Variants in CEP126 observed in about 807,000 individuals in gnomAD.
CEP126 encodes centrosomal protein of 126 kDa.
Under a neutral mutation model 107.8 loss-of-function variants are expected in CEP126, and 74 were observed. The ratio of observed to expected loss-of-function variants is 0.69; its 90% confidence interval spans 0.57 to 0.83. The LOEUF is 0.83. Among genes scored for constraint, CEP126 ranks in the 40% least tolerant of loss-of-function variants. The pLI is 0.00. For synonymous variants in CEP126, 449 were observed against 446.0 expected (o/e 1.01, Z -0.08); for missense variants, 1,237 against 1,281.9 (o/e 0.96, Z 0.53).
intron 3 of CEP126, among the ~76,000 whole-genome samples, chr11:101,947,302 G>C (rs1196165196): frequency 1.3e-5 from 2 of 152,168 alleles, no homozygotes; most frequent in African/African-American, 4.8e-5. Context: ...ACCATGTATA[G>C]ATAGTATAGT....
intron 2 of CEP126, among the ~76,000 whole-genome samples, chr11:101,933,816 C>CG (rs1453993651): frequency 8.0e-6 from 1 of 124,388 alleles, no homozygotes; most frequent in Non-Finnish European, 1.7e-5. Context: ...CCCCCGAGAC[C>CG]CCCCCCCCAC....
At chr11:101,931,209 T>G (rs897435015) in intron 2 of CEP126, among the ~76,000 whole-genome samples, 1 of 152,226 alleles carries the variant, frequency 6.6e-6, no homozygotes, top group African/African-American at 2.4e-5. Flanking sequence ...GAGATACTTT[T>G]ATATTTTTCC....
At chr11:101,945,101 A>G (rs1360849333) in intron 3 of CEP126, among the ~76,000 whole-genome samples, 2 of 152,218 alleles carry the variant, frequency 1.3e-5, no homozygotes, top group Non-Finnish European at 2.9e-5. Flanking sequence ...TGAGAGTGGT[A>G]TAAGCAATGT....
chr11:101,924,326 T>TTGTC (rs1292184869), intron 2 of CEP126, among the ~76,000 whole-genome samples: 29 of 152,328 alleles, frequency 1.9e-4, no homozygotes, highest in African/African-American at 7.0e-4. Flanking sequence ...ATGATTATGG[T>TTGTC]CTTCTTAACC....
chr11:101,983,976 T>C (rs1445714402), intron 8 of CEP126, among the ~76,000 whole-genome samples: 1 of 152,198 alleles, frequency 6.6e-6, no homozygotes, highest in Non-Finnish European at 1.5e-5. Flanking sequence ...GGAAGCTGGA[T>C]TGAATGATGA....
intron 8 of CEP126, among the ~76,000 whole-genome samples, chr11:101,986,547 A>G (rs564759781): frequency 3.3e-5 from 5 of 152,328 alleles, no homozygotes; most frequent in South Asian, 2.1e-4. Flanking sequence ...GACAAAAACT[A>G]TCTGCATTAT....
At position 101,978,435 on chromosome 11, in the gene CEP126, A is replaced by G. The variant is rs764733264; in HGVS notation, c.2934A>G (p.Gly978=). 1.6e-5 allele frequency: 25 copies of G among 1,607,012 alleles called. No homozygotes were observed. The highest frequency in any genetic ancestry group is 2.0e-5 in the Non-Finnish European group (24 of 1,174,250). Residue 978 remains glycine (G), a synonymous_variant, in exon 7 of 11, where the codon GGA becomes GGG. Transcript: ENST00000263468. ...AAAGACAAAACCCTGGATCTGTAGGACAGAAGTACAGTGAGCAAATTAATG... is the reference window on the plus strand; with the variant it reads ...AAAGACAAAACCCTGGATCTGTAGGGCAGAAGTACAGTGAGCAAATTAATG... ...EQKRQNPGSV[G]QKYSEQINNF...
At chr11:101,975,793 T>G (rs907589411) in intron 6 of CEP126, among the ~76,000 whole-genome samples, 3 of 152,172 alleles carry the variant, frequency 2.0e-5, no homozygotes, top group East Asian at 3.8e-4. Context: ...TATGACCATA[T>G]GTACTCAAAG....
At chr11:101,947,959 A>G (rs934186488) in intron 3 of CEP126, 72 bp from the exon 4 acceptor site, 7 of 616,574 alleles carry the variant, frequency 1.1e-5, no homozygotes, top group African/African-American at 7.5e-5. Flanking sequence ...TCATTAACCA[A>G]TTAAATTATA....
chr11:101,962,435 C>A lies in CEP126; in HGVS notation c.1400C>A (p.Ser467Tyr), dbSNP rs1198740281. The change falls in exon 6 of 11, where the codon TCT becomes TAT. Residue 467 changes from serine to tyrosine, a missense_variant. Ser to Tyr is a moderately radical substitution (Grantham distance 144). Coordinates refer to ENST00000263468, the MANE Select transcript of CEP126 (RefSeq NM_020802.4). ...VPVATPLVLPSNIQSARPSAK... is the reference protein window; with the variant it reads ...VPVATPLVLPYNIQSARPSAK... ...GTGGCAACGCCTTTAGTTTTGCCAT[C>A]TAATATACAGTCAGCTAGACCTTCA... is the stretch of plus-strand genomic sequence containing the variant. 6.2e-7 allele frequency: 1 copy of A among 1,613,816 alleles called. No individual in the cohort carries two copies. The highest frequency in any genetic ancestry group is 8.5e-7 in the Non-Finnish European group (1 of 1,179,868).
intron 6 of CEP126, among the ~76,000 whole-genome samples, chr11:101,968,354 T>C (rs974179581): frequency 6.6e-6 from 1 of 152,184 alleles, no homozygotes; most frequent in African/African-American, 2.4e-5. Context: ...CATGCTTGTT[T>C]CCTTTGAGAT....
intron 2 of CEP126, among the ~76,000 whole-genome samples, chr11:101,935,831 A>G (rs1023818357): frequency 1.3e-5 from 2 of 152,116 alleles, no homozygotes; most frequent in Non-Finnish European, 2.9e-5. Context: ...GTTTAACAGT[A>G]CTTGCCTGCT....
rs753625415 is a variant in CEP126, at chr11:101,963,507, A to G, written c.2472A>G (p.Val824=). Residue 824 remains valine (V), a synonymous_variant, in exon 6 of 11, where the codon GTA becomes GTG. Coordinates refer to ENST00000263468, the MANE Select transcript of CEP126 (RefSeq NM_020802.4). ...TACAAGTGTCTCAGTGTCAACCAGT[A>G]ACTCCTGAAAATCCTCAAAACATTA... The part of the protein sequence containing the change: ...KNIQVSQCQP[V]TPENPQNIIT... 1 of 1,614,062 alleles carries G rather than the reference A, an allele frequency of 6.2e-7. No individual in the cohort carries two copies.
Position 101,961,975 on chromosome 11 carries a change from A to C in CEP126, c.940A>C (p.Thr314Pro). The C allele has an allele frequency of 6.2e-7, 1 of 1,611,208 alleles. No homozygotes were observed. The highest frequency in any genetic ancestry group is 1.1e-5 in the South Asian group (1 of 90,420). ...AACTCAACATATAAATAATTGGCTT[A>C]CAAATTTAGATGCTTCAAATACTCA... is the stretch of plus-strand genomic sequence containing the variant. ...SKTQHINNWL[T>P]NLDASNTQNV... The change falls in exon 6 of 11, where the codon ACA becomes CCA. Residue 314 changes from threonine to proline, a missense_variant. Thr to Pro is a conservative substitution (Grantham distance 38, BLOSUM62 -1). Coordinates refer to ENST00000263468, the MANE Select transcript of CEP126 (RefSeq NM_020802.4).
intron 2 of CEP126, among the ~76,000 whole-genome samples, chr11:101,935,668 G>T (rs1315247975): frequency 1.3e-5 from 2 of 151,774 alleles, no homozygotes; most frequent in Non-Finnish European, 1.5e-5. Flanking sequence ...TTGTTCCATT[G>T]GTCTGTTTAC....
chr11:101,984,180 T>C (rs985123199), intron 8 of CEP126, among the ~76,000 whole-genome samples: 8 of 152,160 alleles, frequency 5.3e-5, no homozygotes, highest in Admixed American at 5.2e-4. Context: ...CCAGCAACAG[T>C]GAACAGAGAT....
Position 101,962,530 on chromosome 11 carries a change from G to A in CEP126, c.1495G>A (p.Asp499Asn), listed in dbSNP as rs1274570354. ...QCSDKLDELK[D>N]GKEEEIKYFN... ...TTCTGATAAGTTAGATGAATTGAAA[G>A]ATGGTAAAGAAGAAGAGATAAAATA... The change falls in exon 6 of 11, where the codon GAT becomes AAT. Residue 499 changes from aspartate (D) to asparagine (N), a missense_variant. Physicochemically the swap from Asp to Asn is conservative, Grantham distance 23 (BLOSUM62 1). This residue lies in a region of CEP126 where 1,134 missense variants were observed against 1,150.5 expected (regional missense o/e 0.99). Transcript: ENST00000263468. 1.9e-6 allele frequency: 3 copies of A among 1,613,062 alleles called. No homozygotes were observed. The highest frequency in any genetic ancestry group is 1.7e-6 in the Non-Finnish European group (2 of 1,179,562).
intron 6 of CEP126, among the ~76,000 whole-genome samples, chr11:101,968,733 T>C (rs1303760531): frequency 1.3e-5 from 2 of 152,134 alleles, no homozygotes; most frequent in East Asian, 3.9e-4. Flanking sequence ...GGGGCTTAGA[T>C]AAAGGTAAAA....
intron 2 of CEP126, among the ~76,000 whole-genome samples, chr11:101,938,365 T>C (rs934910764): frequency 2.0e-5 from 3 of 151,542 alleles, no homozygotes; most frequent in Admixed American, 6.6e-5. Context: ...TCAGTTTTCT[T>C]AACATTTTCC....
Sources: allele counts gnomAD v4.1 joint callset (sites outside exome capture counted in the v4.1 genomes callset), GRCh38; gene constraint gnomAD v4.1.1; regional missense constraint gnomAD v4.1.1; transcripts MANE v1.5; gene names NCBI Gene and HGNC (gene_info 2026-07-23, HGNC 2026-07-21).